The following CAPS2 variants were observed in gnomAD, a reference collection of about 807,000 sequenced individuals.
CAPS2 encodes the protein calcyphosine 2, also known as calcyphosin-2.
In CAPS2, 98 loss-of-function variants were observed where a neutral mutation model predicts 86.5. The ratio of observed to expected loss-of-function variants is 1.13; its 90% CI spans 0.96 to 1.34. The LOEUF (loss-of-function observed/expected upper bound fraction) is 1.34, where lower values mean the gene tolerates loss of function less well. CAPS2 is among the 40% of genes most tolerant of loss of function. The pLI is 0.00. For missense variants in CAPS2, 729 were observed against 686.8 expected, an observed-to-expected ratio of 1.06 and a Z score of -0.69; for synonymous variants, 210 against 225.1, an observed-to-expected ratio of 0.93 and a Z score of 0.60.
intron 1 of CAPS2, among the ~76,000 whole-genome samples, chr12:75,376,391 G>C (rs976649577): frequency 6.6e-6 from 1 of 152,148 alleles, no homozygotes; most frequent in Non-Finnish European, 1.5e-5. Context: ...CTTTTGGAGT[G>C]TAGTGCACTT....
At chr12:75,332,372 A>G (rs1364725909), upstream of CAPS2, among the ~76,000 whole-genome samples, 2 of 152,216 alleles carry the variant, frequency 1.3e-5, no homozygotes, top group Non-Finnish European at 2.9e-5. Flanking sequence ...TAATGCAGCC[A>G]ACATTCACTG....
At chr12:75,323,561 T>C (rs1041394524) in intron 2 of CAPS2, among the ~76,000 whole-genome samples, 6 of 152,116 alleles carry the variant, frequency 3.9e-5, no homozygotes, top group Non-Finnish European at 8.8e-5. Flanking sequence ...CTGACCAACA[T>C]GGAGAAACTC....
chr12:75,389,884 C>T (rs2045487150), intron 1 of CAPS2, among the ~76,000 whole-genome samples: 1 of 152,178 alleles, frequency 6.6e-6, no homozygotes, highest in South Asian at 2.1e-4. Flanking sequence ...GTCTTGTCTA[C>T]TGATCTTTCT....
Position 75,289,617 on chromosome 12 carries a change from A to G in CAPS2, c.1395+4T>C. 6.2e-7 allele frequency: 1 copy of G among 1,608,032 alleles called. No individual in the cohort carries two copies. The highest frequency in any genetic ancestry group is 1.7e-4 in the Middle Eastern group (1 of 5,920). ...TGCTGCAGAGAATTTTCTGTAGCAC[A>G]TACCTTTTCAGACACTTCTAAGTGA... On this transcript the variant is annotated splice_donor_region_variant and intron_variant, in intron 14 of 16. Coordinates refer to ENST00000393284, the Ensembl canonical transcript of CAPS2.
intron 14 of CAPS2, 54 bp from the exon 15 acceptor site, chr12:75,285,134 A>T: frequency 1.3e-6 from 2 of 1,554,636 alleles, no homozygotes; most frequent in Non-Finnish European, 1.8e-6. Flanking sequence ...TCGTCACAAC[A>T]AAATCATCTT....
intron 7 of CAPS2, chr12:75,305,466 T>A (rs2038343106): frequency 3.6e-6 from 2 of 560,056 alleles, no homozygotes; most frequent in South Asian, 3.5e-5. Context: ...AAAGTAAGGA[T>A]CTGAGCGACC....
At chr12:75,344,973 CGTG>C (rs1281720233) in intron 1 of CAPS2, among the ~76,000 whole-genome samples, 7 of 152,016 alleles carry the variant, frequency 4.6e-5, no homozygotes, top group Non-Finnish European at 2.9e-5. Flanking sequence ...TTGTGTAAAC[CGTG>C]GTATTATCTC....
At chr12:75,309,640 A>G (rs2038931594) in intron 7 of CAPS2, among the ~76,000 whole-genome samples, 1 of 152,230 alleles carries the variant, frequency 6.6e-6, no homozygotes, top group Admixed American at 6.5e-5. Context: ...AGATAGAAGA[A>G]CTTATGAATT....
chr12:75,355,697 A>G (rs557472429), intron 1 of CAPS2, among the ~76,000 whole-genome samples: 62 of 152,334 alleles, frequency 4.1e-4, no homozygotes, highest in African/African-American at 1.4e-3. Context: ...GCGCAGCACT[A>G]TTTATAATAG....
intron 8 of CAPS2, among the ~76,000 whole-genome samples, chr12:75,304,253 G>T (rs2038168662): frequency 6.6e-6 from 1 of 152,142 alleles, no homozygotes; most frequent in African/African-American, 2.4e-5. Flanking sequence ...GCTACTGTGG[G>T]TACTGGTAGA....
chr12:75,283,517 A>G (rs2034339261), intron 15 of CAPS2, among the ~76,000 whole-genome samples: 2 of 152,134 alleles, frequency 1.3e-5, no homozygotes. Context: ...GTCTCCTTAT[A>G]AGAAGGCAGT....
At chr12:75,276,802 T>C (rs1293577825), downstream of CAPS2, 1 of 903,642 alleles carries the variant, frequency 1.1e-6, no homozygotes, top group Non-Finnish European at 1.3e-6. Flanking sequence ...CTATAAAATA[T>C]ACATAACTAT....
At position 75,381,652 on chromosome 12, in the gene CAPS2, G is replaced by A. The variant is rs1158952848; in HGVS notation, c.-395+9186C>T. 2.7e-5 allele frequency among the ~76,000 whole-genome samples: 3 copies of A among 112,482 alleles called. No homozygotes were observed. In the East Asian group the frequency reaches 8.3e-4, roughly 31 times the overall value. 73.8% of individuals were successfully genotyped at this position (112,482 alleles called of 152,430 possible). On this transcript the variant is annotated intron_variant, in intron 1 of 5. Coordinates refer to the CAPS2 transcript ENST00000551829. Reference sequence around the variant, plus strand: ...TTTTTTTGAGACAGAGTCTCGCTCTGTCACCAGGCTGGAGTGCAGTGGCAC... The same window carrying A: ...TTTTTTTGAGACAGAGTCTCGCTCTATCACCAGGCTGGAGTGCAGTGGCAC...
intron 1 of CAPS2, among the ~76,000 whole-genome samples, chr12:75,372,934 A>G (rs1479308299): frequency 6.6e-6 from 1 of 152,238 alleles, no homozygotes; most frequent in African/African-American, 2.4e-5. Context: ...GTCTTGGCAG[A>G]GGCATTTTGT....
chr12:75,295,904 T>G (rs911123495), intron 11 of CAPS2, among the ~76,000 whole-genome samples: 1 of 151,638 alleles, frequency 6.6e-6, no homozygotes, highest in African/African-American at 2.4e-5. Context: ...TCTGATAGTA[T>G]GAAAAACAAA....
intron 7 of CAPS2, 58 bp downstream of exon 7, chr12:75,312,790 A>C (rs2039366238): frequency 1.9e-6 from 2 of 1,028,482 alleles, no homozygotes; most frequent in Admixed American, 3.5e-5. Flanking sequence ...TCATGCATGA[A>C]AATAAATTTA....
At chr12:75,374,814 C>T (rs1245285080) in intron 1 of CAPS2, among the ~76,000 whole-genome samples, 1 of 152,164 alleles carries the variant, frequency 6.6e-6, no homozygotes, top group Non-Finnish European at 1.5e-5. Context: ...TGTCTGCATA[C>T]CAGGTACCAG....
At chr12:75,293,429 T>C (rs2036356280) in intron 11 of CAPS2, 62 bp from the exon 12 acceptor site, 1 of 998,992 alleles carries the variant, frequency 1.0e-6, no homozygotes, top group South Asian at 1.4e-5. Context: ...ATAACTAACA[T>C]CAATTTTAAA....
chr12:75,383,847 G>C (rs1046920696), intron 1 of CAPS2, among the ~76,000 whole-genome samples: 1 of 151,998 alleles, frequency 6.6e-6, no homozygotes, highest in Non-Finnish European at 1.5e-5. Flanking sequence ...ACTAGTAATT[G>C]AACTAGAAAT....
Sources: gnomAD v4.1 joint callset for allele counts (sites outside exome capture counted in the v4.1 genomes callset) on GRCh38, gnomAD v4.1.1 for gene constraint, MANE v1.5 for transcripts, NCBI Gene and HGNC (gene_info 2026-07-23, HGNC 2026-07-21) for gene names.